The following ATP8A2 variants were observed in gnomAD, a reference collection of about 807,000 sequenced individuals.
ATP8A2 encodes the protein ATPase phospholipid transporting 8A2.
Under a neutral mutation model 165.6 loss-of-function variants are expected in ATP8A2, and 100 were observed. That is an observed-to-expected ratio of 0.60 (90% CI 0.51 to 0.71). The LOEUF (loss-of-function observed/expected upper bound fraction) is 0.71, where lower values mean the gene tolerates loss of function less well. ATP8A2 is among the 30% of genes least tolerant of loss of function. The pLI is 0.00. For missense variants in ATP8A2, 1,227 were observed against 1,479.5 expected (o/e 0.83, Z 2.80); for synonymous variants, 543 against 548.8 (o/e 0.99, Z 0.15).
intron 2 of ATP8A2, among the ~76,000 whole-genome samples, chr13:25,524,200 A>G (rs2137863707): frequency 6.6e-6 from 1 of 152,096 alleles, no homozygotes; most frequent in African/African-American, 2.4e-5. Context: ...TTTCTAGTTT[A>G]TTTCATTGTG....
At chr13:25,509,951 C>T (rs575172073) in intron 2 of ATP8A2, among the ~76,000 whole-genome samples, 1 of 152,312 alleles carries the variant, frequency 6.6e-6, no homozygotes, top group African/African-American at 2.4e-5. Context: ...ATCTGGCGCA[C>T]GCCCCAAATG....
chr13:25,866,767 C>T (rs1236167377), intron 33 of ATP8A2, among the ~76,000 whole-genome samples: 2 of 152,142 alleles, frequency 1.3e-5, no homozygotes, highest in Admixed American at 1.3e-4. Flanking sequence ...AGTGTGAGAA[C>T]CACTGCTTTA....
chr13:25,589,402 A>G (rs1296453147), intron 23 of ATP8A2, among the ~76,000 whole-genome samples: 2 of 152,258 alleles, frequency 1.3e-5, no homozygotes, highest in Non-Finnish European at 2.9e-5. Flanking sequence ...AGAAAAATCC[A>G]CTAAAAATTG....
chr13:25,444,419 C>G (rs554402945), intron 1 of ATP8A2, among the ~76,000 whole-genome samples: 1 of 152,202 alleles, frequency 6.6e-6, no homozygotes, highest in South Asian at 2.1e-4. Flanking sequence ...GTAGAATTAA[C>G]TCAATCATAA....
At chr13:25,444,314 G>A (rs576232377) in intron 1 of ATP8A2, among the ~76,000 whole-genome samples, 1 of 152,100 alleles carries the variant, frequency 6.6e-6, no homozygotes, top group Non-Finnish European at 1.5e-5. Context: ...GGATATGTAG[G>A]TTGCTTCCTT....
At chr13:25,954,832 C>G (rs1236313337) in intron 33 of ATP8A2, among the ~76,000 whole-genome samples, 2 of 152,160 alleles carry the variant, frequency 1.3e-5, no homozygotes, top group Non-Finnish European at 1.5e-5. Flanking sequence ...CACTCAAAAA[C>G]CCCATCTGAA....
chr13:25,871,474 G>T (rs957058207), intron 33 of ATP8A2, among the ~76,000 whole-genome samples: 4 of 152,120 alleles, frequency 2.6e-5, no homozygotes, highest in Non-Finnish European at 5.9e-5. Flanking sequence ...GTATAAAAGT[G>T]CCAGAGAAAG....
chr13:25,628,890 G>T (rs1352647284), intron 24 of ATP8A2, among the ~76,000 whole-genome samples: 1 of 152,162 alleles, frequency 6.6e-6, no homozygotes, highest in Admixed American at 6.5e-5. Flanking sequence ...ACGTTTTATT[G>T]TGGGACATTA....
At chr13:25,852,887 A>G (rs1298129824) in intron 30 of ATP8A2, among the ~76,000 whole-genome samples, 1 of 151,608 alleles carries the variant, frequency 6.6e-6, no homozygotes, top group Non-Finnish European at 1.5e-5. Flanking sequence ...CTGGGCAACA[A>G]GAGAGAAACT....
chr13:25,586,363 G>A (rs994831936), intron 23 of ATP8A2, among the ~76,000 whole-genome samples: 9 of 152,126 alleles, frequency 5.9e-5, no homozygotes, highest in South Asian at 2.1e-4. Context: ...CCCAACGTGG[G>A]GAGAAGCCGT....
intron 1 of ATP8A2, among the ~76,000 whole-genome samples, chr13:25,452,558 A>G (rs567309708): frequency 3.9e-5 from 6 of 152,318 alleles, no homozygotes; most frequent in Non-Finnish European, 8.8e-5. Context: ...ATACATTAGT[A>G]ATTCACTGGC....
At chr13:25,562,797 A>G (rs1234052861) in intron 15 of ATP8A2, among the ~76,000 whole-genome samples, 1 of 152,162 alleles carries the variant, frequency 6.6e-6, no homozygotes, top group Non-Finnish European at 1.5e-5. Flanking sequence ...TCTGTAAAAG[A>G]TAAGCATTTT....
chr13:25,506,959 A>ATATATATATATATATATC (rs965878307), intron 2 of ATP8A2, among the ~76,000 whole-genome samples: 1 of 145,946 alleles, frequency 6.9e-6, no homozygotes, highest in African/African-American at 2.5e-5. Flanking sequence ...ATATATATAT[A>ATATATATATATATATATC]TATCTTATTT....
At chr13:25,575,205 A>G (rs1034877746) in intron 19 of ATP8A2, among the ~76,000 whole-genome samples, 4 of 152,202 alleles carry the variant, frequency 2.6e-5, no homozygotes, top group African/African-American at 9.7e-5. Context: ...CCCAAGTCCC[A>G]TGAGGTCATT....
chr13:25,979,084 G>A (rs73155957), intron 35 of ATP8A2, among the ~76,000 whole-genome samples: 44,742 of 150,208 alleles, frequency 0.3, 7,014 homozygotes, highest in Non-Finnish European at 0.35. Flanking sequence ...TGTCACTAGT[G>A]GTCTCTGTCA....
chr13:25,808,653 T>G (rs2138499869), intron 27 of ATP8A2, among the ~76,000 whole-genome samples: 1 of 152,012 alleles, frequency 6.6e-6, no homozygotes, highest in South Asian at 2.1e-4. Flanking sequence ...TCACCCAAGC[T>G]GTTCTCAAAC....
chr13:25,968,598 C>A lies in ATP8A2; in HGVS notation c.3296C>A (p.Thr1099Lys), dbSNP rs747266258. 1 of 1,613,762 alleles carries A rather than the reference C, an allele frequency of 6.2e-7. No individual in the cohort carries two copies. Among genetic ancestry groups the A allele is most frequent in the East Asian group, 2.2e-5 (1 of 44,882 alleles). The change falls in exon 35 of 37, where the codon ACA becomes AAA. Residue 1099 changes from threonine (T) to lysine (K), a missense_variant. Physicochemically the swap from Thr to Lys is moderately conservative, Grantham distance 78. This residue lies in a region of ATP8A2 where 260 missense variants were observed against 245.1 expected (regional missense o/e 1.06). Transcript: ENST00000381655. ...AGAGCCAAGCACACCTGCAAAAAGA[C>A]ATTGCTGGAGGAGGTGCAGGAGCTG... ...WRAAKHTCKK[T>K]LLEEVQELET...
chr13:25,586,457 G>A lies in ATP8A2; in HGVS notation c.2147-3178G>A, dbSNP rs191552552. On this transcript the variant is annotated intron_variant, in intron 23 of 36. Transcript: ENST00000381655. Reference sequence around the variant, plus strand: ...AAGGGTCTCAAGGGAGAGGTGCCCAGGCGTGTGCTCCAGGGACAAGGCCTC... The same window carrying A: ...AAGGGTCTCAAGGGAGAGGTGCCCAAGCGTGTGCTCCAGGGACAAGGCCTC... Among the ~76,000 whole-genome samples the A allele has an allele frequency of 1.7e-4, 26 of 152,312 alleles. No individual in the cohort carries two copies. In the East Asian group the frequency reaches 3.9e-3, roughly 23 times the overall value.
At position 25,723,170 on chromosome 13, in the gene ATP8A2, T is replaced by C. The variant is rs117648482; in HGVS notation, c.2384+23825T>C. Among the ~76,000 whole-genome samples, 416 of 152,356 alleles carry C rather than the reference T, an allele frequency of 2.7e-3. 3 individuals are homozygous for C. The highest frequency in any genetic ancestry group is 0.022 in the South Asian group (106 of 4,824). On this transcript the variant is annotated intron_variant, in intron 25 of 36. Transcript: ENST00000381655. ...GTAAATGTCTTGGGCAAATTTGTTTTTGGACATAATACTTGGGAGTAGAAT... is the reference window on the plus strand; with the variant it reads ...GTAAATGTCTTGGGCAAATTTGTTTCTGGACATAATACTTGGGAGTAGAAT...
Sources: allele counts gnomAD v4.1 joint callset (sites outside exome capture counted in the v4.1 genomes callset), GRCh38; gene constraint gnomAD v4.1.1; regional missense constraint gnomAD v4.1.1; transcripts MANE v1.5; gene names NCBI Gene and HGNC (gene_info 2026-07-23, HGNC 2026-07-21).